The following CDC14A variants were observed in gnomAD, a reference collection of about 807,000 sequenced individuals.
CDC14A encodes the protein cell division cycle 14A.
A neutral mutation model predicts 74.4 loss-of-function variants in CDC14A; 53 were observed. The ratio of observed to expected loss-of-function variants is 0.71; its 90% CI spans 0.57 to 0.89. CDC14A has a LOEUF of 0.89. Among genes scored for constraint, CDC14A ranks in the 40% least tolerant of loss-of-function variants. CDC14A has a pLI of 0.00. For missense variants in CDC14A, 646 were observed against 713.7 expected, an observed-to-expected ratio of 0.91 and a Z score of 1.08; for synonymous variants, 247 against 258.4, an observed-to-expected ratio of 0.96 and a Z score of 0.43.
At chr1:100,441,423 C>T (rs544518104) in intron 6 of CDC14A, among the ~76,000 whole-genome samples, 6 of 152,140 alleles carry the variant, frequency 3.9e-5, no homozygotes, top group Non-Finnish European at 7.3e-5. Flanking sequence ...ATTCCAAGAA[C>T]CTATACAGAG....
At chr1:100,382,405 T>TTTTTA in intron 3 of CDC14A, among the ~76,000 whole-genome samples, 1 of 149,352 alleles carries the variant, frequency 6.7e-6, no homozygotes, top group Non-Finnish European at 1.5e-5. Context: ...TTTTTTTTTT[T>TTTTTA]TTTTTTAGTT....
chr1:100,428,902 AGCCAGTTTTTAAAATG>A, intron 5 of CDC14A, among the ~76,000 whole-genome samples: 1 of 152,240 alleles, frequency 6.6e-6, no homozygotes, highest in East Asian at 1.9e-4. Context: ...ATCTCCTAAA[AGCCAGTTTTTAAAATG>A]ACATATAGGC....
Position 100,352,682 on chromosome 1 carries a change from A to G in CDC14A, c.-273A>G. 1 of 1,312,600 alleles carries G rather than the reference A, an allele frequency of 7.6e-7. No homozygotes were observed. The highest frequency in any genetic ancestry group is 9.7e-7 in the Non-Finnish European group (1 of 1,033,222). The allele number at this position is 1,312,600 out of a possible 1,614,324, so 81.3% of individuals were successfully genotyped here. ...CCAGGCGCGGCGGCGGCGGAGCAGC[A>G]GCTGCAGCAGCCGAGTCCAAATAGG... On this transcript the variant is annotated 5_prime_UTR_variant, in exon 1 of 16. Coordinates refer to ENST00000336454, the MANE Select transcript of CDC14A (RefSeq NM_003672.4).
At chr1:100,484,228 G>T in intron 10 of CDC14A, 64 bp from the exon 11 acceptor site, 1 of 906,620 alleles carries the variant, frequency 1.1e-6, no homozygotes. Flanking sequence ...CCTTTGAGAT[G>T]AGAGTAGATT....
chr1:100,379,184 T>C (rs1655745941), intron 3 of CDC14A, among the ~76,000 whole-genome samples: 1 of 152,238 alleles, frequency 6.6e-6, no homozygotes, highest in African/African-American at 2.4e-5. Context: ...GTTCTACTTA[T>C]AGCAGTTGCA....
intron 4 of CDC14A, among the ~76,000 whole-genome samples, chr1:100,416,167 T>C (rs1277875624): frequency 6.6e-6 from 1 of 152,224 alleles, no homozygotes; most frequent in Non-Finnish European, 1.5e-5. Flanking sequence ...TATGATGGAC[T>C]TCTGTTTCTA....
At chr1:100,478,887 T>C (rs2101328426) in intron 10 of CDC14A, among the ~76,000 whole-genome samples, 1 of 152,262 alleles carries the variant, frequency 6.6e-6, no homozygotes, top group Middle Eastern at 3.4e-3. Flanking sequence ...CTAGGAATTG[T>C]TGGGGGATCT....
At chr1:100,498,031 A>T (rs1648123012) in intron 13 of CDC14A, 54 bp from the exon 14 acceptor site, 1 of 1,564,044 alleles carries the variant, frequency 6.4e-7, no homozygotes, top group Non-Finnish European at 8.7e-7. Context: ...TAGTTGCTGA[A>T]TGTTTAAGAT....
intron 7 of CDC14A, among the ~76,000 whole-genome samples, chr1:100,452,524 G>A (rs918263628): frequency 1.3e-5 from 2 of 152,016 alleles, no homozygotes; most frequent in Non-Finnish European, 2.9e-5. Flanking sequence ...ATAAAAAAAA[G>A]GAATTGTAAA....
chr1:100,398,634 C>T (rs11805383), intron 4 of CDC14A, among the ~76,000 whole-genome samples: 10,616 of 152,136 alleles, frequency 0.07, 803 homozygotes, highest in African/African-American at 0.18. Flanking sequence ...AATATATATA[C>T]ATATAAACAA....
chr1:100,491,572 A>ATATATATATAT (rs1418515078), intron 11 of CDC14A, among the ~76,000 whole-genome samples: 2 of 25,106 alleles, frequency 8.0e-5, no homozygotes, highest in East Asian at 1.1e-3. Flanking sequence ...ATATATATAT[A>ATATATATATAT]TTTTTTTTTT....
upstream of CDC14A, among the ~76,000 whole-genome samples, chr1:100,352,312 A>G (rs1196084155): frequency 6.6e-6 from 1 of 151,370 alleles, no homozygotes; most frequent in African/African-American, 2.4e-5. Flanking sequence ...ACCGGCTCCT[A>G]GTGACCCGCG....
intron 2 of CDC14A, 114 bp downstream of exon 2, chr1:100,353,966 A>G (rs1651520035): frequency 3.0e-6 from 2 of 664,120 alleles, no homozygotes; most frequent in East Asian, 2.8e-5. Flanking sequence ...GATACGAGTA[A>G]CAATATCAAT....
chr1:100,388,602 T>C (rs1264595706), intron 3 of CDC14A, among the ~76,000 whole-genome samples: 2 of 152,208 alleles, frequency 1.3e-5, no homozygotes, highest in African/African-American at 4.8e-5. Context: ...TTTTTTTTGT[T>C]TGATTTTTGT....
At chr1:100,420,055 C>CAATATATATATAT (rs1158640575) in intron 4 of CDC14A, among the ~76,000 whole-genome samples, 1 of 21,052 alleles carries the variant, frequency 4.8e-5, no homozygotes, top group East Asian at 1.5e-3. Context: ...CACACACACA[C>CAATATATATATAT]ACACACACAT....
intron 4 of CDC14A, among the ~76,000 whole-genome samples, chr1:100,408,226 G>C (rs561198374): frequency 4.6e-5 from 7 of 152,292 alleles, no homozygotes; most frequent in African/African-American, 1.7e-4. Context: ...CTCCATCCAT[G>C]TTCCTGCAGA....
At chr1:100,447,433 A>G (rs1432544654) in intron 7 of CDC14A, among the ~76,000 whole-genome samples, 1 of 152,206 alleles carries the variant, frequency 6.6e-6, no homozygotes, top group African/African-American at 2.4e-5. Context: ...TTGGGCAGCT[A>G]TGCTGGGAAG....
intron 1 of CDC14A, among the ~76,000 whole-genome samples, chr1:100,353,272 G>C (rs1038765616): frequency 1.3e-5 from 2 of 152,236 alleles, no homozygotes; most frequent in Non-Finnish European, 2.9e-5. Flanking sequence ...CCGGCACTCA[G>C]CAGCTCATGG....
At position 100,421,370 on chromosome 1, in the gene CDC14A, C is replaced by T. The variant is rs79993947; in HGVS notation, c.310-2852C>T. ...ATTAGAATATCTGGCAACAAATTTT[C>T]GAGCATTAAATATGGATTTTATTTT... On this transcript the variant is annotated intron_variant, in intron 4 of 15. Coordinates refer to ENST00000336454, the MANE Select transcript of CDC14A (RefSeq NM_003672.4). Among the ~76,000 whole-genome samples, 86 of 152,220 alleles carry T rather than the reference C, an allele frequency of 5.6e-4. No individual in the cohort carries two copies. In the East Asian group the frequency reaches 7.7e-3, roughly 14 times the overall value.
Sources: allele counts gnomAD v4.1 joint callset (sites outside exome capture counted in the v4.1 genomes callset), GRCh38; gene constraint gnomAD v4.1.1; transcripts MANE v1.5; gene names NCBI Gene and HGNC (gene_info 2026-07-23, HGNC 2026-07-21).